Variants in PPP2R5C observed in about 807,000 individuals in gnomAD.
PPP2R5C encodes serine/threonine-protein phosphatase 2A 56 kDa regulatory subunit gamma isoform.
In PPP2R5C, 7 loss-of-function variants were observed where a neutral mutation model predicts 68.9. The observed-to-expected ratio is 0.10, with a 90% CI of 0.06 to 0.19. The LOEUF (loss-of-function observed/expected upper bound fraction) is 0.19, where lower values mean the gene tolerates loss of function less well. Ranked by LOEUF, PPP2R5C falls within the 10% of genes least tolerant of loss-of-function variation. The pLI, the probability that PPP2R5C is intolerant of heterozygous loss-of-function variation, is 1.00. For missense variants in PPP2R5C, 348 were observed against 641.3 expected (o/e 0.54, Z 4.94); for synonymous variants, 210 against 222.2 (o/e 0.95, Z 0.49).
intron 2 of PPP2R5C, among the ~76,000 whole-genome samples, chr14:101,868,867 T>G (rs750915083): frequency 1.3e-5 from 2 of 152,228 alleles, no homozygotes; most frequent in African/African-American, 4.8e-5. Context: ...TAGTCACGTC[T>G]TCCGCACCAC....
chr14:101,856,558 AC>A (rs1226627340), intron 1 of PPP2R5C, 127 bp from the exon 4 acceptor site: 8 of 845,126 alleles, frequency 9.5e-6, no homozygotes, highest in Non-Finnish European at 1.3e-5. Flanking sequence ...GCCTTTGTTT[AC>A]CCCACCCATC....
chr14:101,859,689 C>G (rs945844069), intron 2 of PPP2R5C, among the ~76,000 whole-genome samples: 3 of 152,142 alleles, frequency 2.0e-5, no homozygotes, highest in East Asian at 3.8e-4. Flanking sequence ...TTTAAGCAAC[C>G]AGTACAAGGC....
At chr14:101,821,678 T>C (rs1211077002) in intron 1 of PPP2R5C, among the ~76,000 whole-genome samples, 1 of 152,166 alleles carries the variant, frequency 6.6e-6, no homozygotes, top group African/African-American at 2.4e-5. Flanking sequence ...TGTATTGTAC[T>C]GTGTATACAT....
chr14:101,910,461 A>G (rs758494961), intron 11 of PPP2R5C, among the ~76,000 whole-genome samples: 7 of 152,244 alleles, frequency 4.6e-5, no homozygotes, highest in Non-Finnish European at 1.0e-4. Context: ...TCCTTAGACA[A>G]ATATGTGAAT....
chr14:101,897,223 G>A (rs933011291), intron 8 of PPP2R5C, among the ~76,000 whole-genome samples: 2 of 152,146 alleles, frequency 1.3e-5, no homozygotes, highest in Admixed American at 1.3e-4. Context: ...GTGAGGAGGT[G>A]TTATTTTTAT....
In PPP2R5C at chr14:101,800,692, C is replaced by T. The variant is rs191361070; in HGVS notation, c.259+14509C>T. 2.5e-3 allele frequency among the ~76,000 whole-genome samples: 380 copies of T among 150,540 alleles called. 4 individuals carry two copies. The highest frequency in any genetic ancestry group is 8.4e-3 in the African/African-American group (344 of 41,078). ...GGAAATTTTAGAAATAAAAAACATC[C>T]ATATGATCCTACAGCCTTACTGCTG... On this transcript the variant is annotated intron_variant, in intron 3 of 14. Coordinates refer to the PPP2R5C transcript ENST00000328724.
chr14:101,828,677 T>G (rs986155461), intron 1 of PPP2R5C, among the ~76,000 whole-genome samples: 7 of 87,888 alleles, frequency 8.0e-5, no homozygotes, highest in Non-Finnish European at 1.7e-4. Flanking sequence ...ACAGATACTC[T>G]TTTTTTTTTT....
At chr14:101,826,050 A>G (rs1247981665) in intron 1 of PPP2R5C, among the ~76,000 whole-genome samples, 3 of 152,146 alleles carry the variant, frequency 2.0e-5, no homozygotes. Flanking sequence ...CCGAGAACCA[A>G]GCCTTTATCA....
chr14:101,919,101 G>A lies in PPP2R5C; in HGVS notation c.1443+1154G>A, dbSNP rs181859588. 5.3e-5 allele frequency among the ~76,000 whole-genome samples: 8 copies of A among 152,296 alleles called. No individual in the cohort carries two copies. The East Asian group carries it at 1.2e-3, about 22-fold the overall frequency. ...CTTGAATGTGACTGCTAGAAGATTC[G>A]GAATTAGCACATGGCTGACGCCATA... On this transcript the variant is annotated intron_variant, in intron 13 of 13. Coordinates refer to ENST00000334743, the Ensembl canonical transcript of PPP2R5C.
rs2043844646 is a variant in PPP2R5C at position 101,877,291 on chromosome 14, C to G, written c.295-4870C>G. ...AGGAGAAAATTGAGGCTCAGGCAGGCTGTTTGGTCTGAGGTCCTTCTTCTA... is the reference window on the plus strand; with the variant it reads ...AGGAGAAAATTGAGGCTCAGGCAGGGTGTTTGGTCTGAGGTCCTTCTTCTA... On this transcript the variant is annotated intron_variant, in intron 2 of 13. Transcript: ENST00000334743. This position sits in a 1 kb window ranked among gnomAD's most constrained non-coding sequence, Gnocchi z 4.2. Among the ~76,000 whole-genome samples, 1 of 152,082 alleles carries G rather than the reference C, an allele frequency of 6.6e-6. No individual in the cohort carries two copies. Among genetic ancestry groups the G allele is most frequent in the African/African-American group, 2.4e-5 (1 of 41,416 alleles).
At chr14:101,924,999 C>T in intron 13 of PPP2R5C, 142 bp from the exon 16 acceptor site, 2 of 919,584 alleles carry the variant, frequency 2.2e-6, no homozygotes, top group Non-Finnish European at 3.4e-6. Flanking sequence ...AGACCTACGC[C>T]GTTTCCCTGT....
chr14:101,924,546 G>A (rs2047194427), intron 13 of PPP2R5C, among the ~76,000 whole-genome samples: 1 of 150,072 alleles, frequency 6.7e-6, no homozygotes, highest in African/African-American at 2.5e-5. Context: ...GGGTTCAAGC[G>A]ATTCTCCTGC....
Position 101,763,429 on chromosome 14 carries a change from C to G in PPP2R5C, c.93+459C>G, listed in dbSNP as rs142137410. Among the ~76,000 whole-genome samples, 892 of 151,928 alleles carry G rather than the reference C, an allele frequency of 5.9e-3. 8 individuals are homozygous for G. The highest frequency in any genetic ancestry group is 0.02 in the African/African-American group (832 of 41,372). ...ATAGAGTCTCACTCTGTCACCCAGGCTGGAGTGCAGTGGCGCGATCTTGGC... is the reference window on the plus strand; with the variant it reads ...ATAGAGTCTCACTCTGTCACCCAGGGTGGAGTGCAGTGGCGCGATCTTGGC... On this transcript the variant is annotated intron_variant, in intron 2 of 14. Transcript: ENST00000328724.
At position 101,797,079 on chromosome 14, in the gene PPP2R5C, GT is replaced by G. The variant is rs1181542995; in HGVS notation, c.259+10897del. ...TCCCCAACAAAAACTCCATTAAACA[GT>G]AAGTGGCTGTCTCCCCATTCTGCTT... On this transcript the variant is annotated intron_variant, in intron 3 of 14. Coordinates refer to the PPP2R5C transcript ENST00000328724. The surrounding 1 kb of genome is among the most constrained non-coding windows in gnomAD (Gnocchi z 4.2). 2.2e-6 allele frequency: 1 copy of G among 447,828 alleles called. No individual in the cohort carries two copies. The highest frequency in any genetic ancestry group is 4.5e-6 in the Non-Finnish European group (1 of 221,514). The allele number at this position is 447,828 out of a possible 1,614,324, so 27.7% of individuals were successfully genotyped here.
At chr14:101,896,083 A>C (rs567393742) in intron 8 of PPP2R5C, among the ~76,000 whole-genome samples, 3 of 152,148 alleles carry the variant, frequency 2.0e-5, no homozygotes, top group East Asian at 3.9e-4. Context: ...GCAATGGTGC[A>C]ATCTTGGCTC....
At chr14:101,821,528 T>C (rs999572769) in intron 1 of PPP2R5C, among the ~76,000 whole-genome samples, 4 of 151,656 alleles carry the variant, frequency 2.6e-5, no homozygotes, top group African/African-American at 9.7e-5. Context: ...ATTCACAGAG[T>C]ATATAGCATT....
chr14:101,807,524 A>G (rs1348999122), upstream of PPP2R5C, among the ~76,000 whole-genome samples: 1 of 152,340 alleles, frequency 6.6e-6, no homozygotes, highest in East Asian at 1.9e-4. Context: ...AATTGGAAAT[A>G]CTTTAAACCT....
intron 2 of PPP2R5C, among the ~76,000 whole-genome samples, chr14:101,769,644 T>C (rs896086438): frequency 2.6e-5 from 4 of 152,232 alleles, no homozygotes; most frequent in African/African-American, 7.2e-5. Flanking sequence ...TAGGTTTTTT[T>C]CTAATGTCTT....
chr14:101,881,080 A>G (rs555401014), intron 2 of PPP2R5C, among the ~76,000 whole-genome samples: 4 of 152,232 alleles, frequency 2.6e-5, no homozygotes, highest in African/African-American at 7.2e-5. Flanking sequence ...AAGGTAACCA[A>G]TCATATTTAG....
Sources: allele counts gnomAD v4.1 joint callset (sites outside exome capture counted in the v4.1 genomes callset), GRCh38; gene constraint gnomAD v4.1.1; non-coding constraint Gnocchi (gnomAD v3.1); transcripts MANE v1.5; gene names NCBI Gene and HGNC (gene_info 2026-07-23, HGNC 2026-07-21).